The following FLG2 variants were observed in gnomAD, a reference collection of about 807,000 sequenced individuals.
FLG2 encodes the protein filaggrin 2, also known as filaggrin-2.
FLG2 carries 7 observed loss-of-function variants against 3.9 expected under a neutral mutation model. The observed-to-expected ratio is 1.79, with a 90% CI of 1.02 to 3.36. FLG2 has a LOEUF of 3.36. Among genes scored for constraint, FLG2 ranks in the 30% most tolerant of loss-of-function variants. The probability of loss-of-function intolerance (pLI) is 0.00; values close to 1 mark genes in which losing one functional copy is unlikely to be tolerated. For synonymous variants in FLG2, 1,031 were observed against 1,056.1 expected (o/e 0.98, Z 0.46); for missense variants, 2,700 against 2,809.4 (o/e 0.96, Z 0.88).
At position 152,355,037 on chromosome 1, in the gene FLG2, A is replaced by G. The variant is rs764162493; in HGVS notation, c.2749T>C (p.Ser917Pro). 1 of 1,558,506 alleles carries G rather than the reference A, an allele frequency of 6.4e-7. No individual in the cohort carries two copies. Among genetic ancestry groups the G allele is most frequent in the East Asian group, 2.7e-5 (1 of 37,676 alleles). Reference protein sequence around the residue: ...YSGFGQHESRSHQSSYGQHGS... With the variant: ...YSGFGQHESRPHQSSYGQHGS... The stretch of plus-strand genomic sequence containing the variant: ...TGTTGGCCATAGCTAGACTGATGTG[A>G]TCTAGACTCATGTTGTCCAAAACCA... The change falls in exon 3 of 3, where the codon TCA becomes CCA. Residue 917 changes from serine (S) to proline (P), a missense_variant. By Grantham distance (74) the Ser-to-Pro change is moderately conservative. Coordinates refer to ENST00000388718, the MANE Select transcript of FLG2 (RefSeq NM_001014342.3).
Position 152,350,471 on chromosome 1 carries a change from T to G in FLG2, c.*139A>C. The stretch of plus-strand genomic sequence containing the variant: ...TGTCCATGACTAGATTCCTGACTTC[T>G]TATAATAATAGGTCGAGACTGATAC... On this transcript the variant is annotated 3_prime_UTR_variant, in exon 3 of 3. Coordinates refer to ENST00000388718, the MANE Select transcript of FLG2 (RefSeq NM_001014342.3). 2 of 1,139,320 alleles carry G rather than the reference T, an allele frequency of 1.8e-6. No homozygotes were observed. Among genetic ancestry groups the G allele is most frequent in the Non-Finnish European group, 2.4e-6 (2 of 824,364 alleles). The allele number at this position is 1,139,320 out of a possible 1,614,324, so 70.6% of individuals were successfully genotyped here.
rs578257861 is a variant in FLG2 at position 152,354,146 on chromosome 1, G to C, written c.3640C>G (p.Gln1214Glu). The change falls in exon 3 of 3, where the codon CAA becomes GAA. Residue 1214 changes from glutamine (Q) to glutamate (E), a missense_variant. Transcript: ENST00000388718. ...TCACCCTGGCCCAAGCCAGTTGATT[G>C]ACCTGAGCCTGAACCATATTGGCCA... ...GFGQYGSGSG[Q>E]STGLGQGESQ... 2 of 1,614,240 alleles carry C rather than the reference G, an allele frequency of 1.2e-6. No individual in the cohort carries two copies. The highest frequency in any genetic ancestry group is 1.7e-5 in the Admixed American group (1 of 60,034).
In FLG2 at chr1:152,352,011, C is replaced by G; in HGVS notation, c.5775G>C (p.Gln1925His). Residue 1925 changes from glutamine to histidine, a missense_variant, in exon 3 of 3, where the codon CAG becomes CAC. By Grantham distance (24) the Gln-to-His change is conservative. Coordinates refer to ENST00000388718, the MANE Select transcript of FLG2 (RefSeq NM_001014342.3). ...VHKRHQTTHG[Q>H]TGDTTEHGHP... ...GGCCATGTTCAGTGGTATCTCCTGT[C>G]TGTCCATGAGTAGTTTGGTGTCTCT... The G allele has an allele frequency of 6.2e-7, 1 of 1,613,560 alleles. No individual in the cohort carries two copies. Among genetic ancestry groups the G allele is most frequent in the Non-Finnish European group, 8.5e-7 (1 of 1,179,904 alleles).
chr1:152,358,632 C>T, intron 2 of FLG2, 115 bp downstream of exon 2: 1 of 981,654 alleles, frequency 1.0e-6, no homozygotes, highest in Non-Finnish European at 1.5e-6. Flanking sequence ...CAAAATACCA[C>T]TCATAGAGTT....
At position 152,357,371 on chromosome 1, in the gene FLG2, C is replaced by T; in HGVS notation, c.415G>A (p.Glu139Lys). Residue 139 changes from glutamate to lysine, a missense_variant, in exon 3 of 3, where the codon GAG becomes AAG. By Grantham distance (56) the Glu-to-Lys change is moderately conservative (BLOSUM62 1). Transcript: ENST00000388718. ...GAGTGCCCAGAACTATATCCATGCT[C>T]CTCTCCCTCACTCCAACTTGAATGT... ...YRHSSWSEGEEHGYSSGHSRG... is the reference protein window; with the variant it reads ...YRHSSWSEGEKHGYSSGHSRG... 1 of 1,614,146 alleles carries T rather than the reference C, an allele frequency of 6.2e-7. No homozygotes were observed.
In FLG2 at chr1:152,357,049, G is replaced by A; in HGVS notation, c.737C>T (p.Thr246Ile). 6.2e-7 allele frequency: 1 copy of A among 1,614,084 alleles called. No individual in the cohort carries two copies. Among genetic ancestry groups the A allele is most frequent in the Non-Finnish European group, 8.5e-7 (1 of 1,180,016 alleles). Residue 246 changes from threonine (T) to isoleucine (I), a missense_variant, in exon 3 of 3, where the codon ACT (threonine) becomes ATT (isoleucine). Thr to Ile is a moderately conservative substitution (Grantham distance 89). Coordinates refer to ENST00000388718, the MANE Select transcript of FLG2 (RefSeq NM_001014342.3). ...GHGGLSCGLE[T>I]SGHESNSTQS... ...AGTAGAGTTTGATTCATGCCCACTA[G>A]TCTCCAATCCACATGACAGACCACC... is the stretch of plus-strand genomic sequence containing the variant.
In FLG2 at chr1:152,356,741, A is replaced by G; in HGVS notation, c.1045T>C (p.Ser349Pro). Reference sequence around the variant, plus strand: ...GCTCCATATCCTCTCTGACTATAGGACTGACTACAGGGGTTAGACTCAGGT... The same window carrying G: ...GCTCCATATCCTCTCTGACTATAGGGCTGACTACAGGGGTTAGACTCAGGT... ...GQPESNPCSQ[S>P]YSQRGYGARE... Residue 349 changes from serine (S) to proline (P), a missense_variant, in exon 3 of 3, where the codon TCC (serine) becomes CCC (proline). Physicochemically the swap from Ser to Pro is moderately conservative, Grantham distance 74. Coordinates refer to ENST00000388718, the MANE Select transcript of FLG2 (RefSeq NM_001014342.3). 1 of 1,613,962 alleles carries G rather than the reference A, an allele frequency of 6.2e-7. No individual in the cohort carries two copies. Among genetic ancestry groups the G allele is most frequent in the Non-Finnish European group, 8.5e-7 (1 of 1,180,024 alleles).
intron 1 of FLG2, 133 bp downstream of exon 1, chr1:152,359,822 GA>G (rs1306629274): frequency 1.3e-5 from 2 of 152,046 alleles, no homozygotes; most frequent in Non-Finnish European, 2.9e-5. Context: ...AAAAAGAAAA[GA>G]AAATGAAAGA....
In FLG2 at chr1:152,357,403, C is replaced by A. The variant is rs1441180661; in HGVS notation, c.383G>T (p.Gly128Val). The change falls in exon 3 of 3, where the codon GGT becomes GTT. Residue 128 changes from glycine to valine, a missense_variant. By Grantham distance (109) the Gly-to-Val change is moderately radical. Transcript: ENST00000388718. ...CTCACTCCAACTTGAATGTCTGTAA[C>A]CTGATTTATGTCCTGGTGTATCCTC... ...DEEDTPGHKSGYRHSSWSEGE... is the reference protein window; with the variant it reads ...DEEDTPGHKSVYRHSSWSEGE... 4 of 1,614,152 alleles carry A rather than the reference C, an allele frequency of 2.5e-6. No individual in the cohort carries two copies. The highest frequency in any genetic ancestry group is 3.4e-6 in the Non-Finnish European group (4 of 1,180,030).
rs775776086 is a variant in FLG2 at position 152,354,958 on chromosome 1, C to T, written c.2828G>A (p.Gly943Glu). The change falls in exon 3 of 3, where the codon GGA becomes GAA. Residue 943 changes from glycine to glutamate, a missense_variant. Transcript: ENST00000388718. The stretch of plus-strand genomic sequence containing the variant: ...GTGTTGTCCAAATCCAAAAGTCTGT[C>T]CTGAACTTGACCCATGTTGACCATA... ...SGYGQHGSSS[G>E]QTFGFGQHRS... 1.2e-6 allele frequency: 2 copies of T among 1,604,186 alleles called. No homozygotes were observed.
Position 152,353,549 on chromosome 1 carries a change from C to G in FLG2, c.4237G>C (p.Gly1413Arg), listed in dbSNP as rs780775602. Residue 1413 changes from glycine (G) to arginine (R), a missense_variant, in exon 3 of 3, where the codon GGG becomes CGG. Transcript: ENST00000388718. ...CCCCTTCTTCCAGTTGTCCTGGACC[C>G]TCTCTGTGTGGACTGTCCATGACCA... Reference protein sequence around the residue: ...HSGHGQSTQRGSRTTGRRGSG... With the variant: ...HSGHGQSTQRRSRTTGRRGSG... 6.2e-7 allele frequency: 1 copy of G among 1,614,044 alleles called. No individual in the cohort carries two copies. The highest frequency in any genetic ancestry group is 2.2e-5 in the East Asian group (1 of 44,868).
chr1:152,356,938 C>T lies in FLG2; in HGVS notation c.848G>A (p.Ser283Asn). 1.9e-6 allele frequency: 3 copies of T among 1,614,196 alleles called. No individual in the cohort carries two copies. Among genetic ancestry groups the T allele is most frequent in the Non-Finnish European group, 2.5e-6 (3 of 1,180,024 alleles). Reference sequence around the variant, plus strand: ...TGGCCTTCCACACCCACTTGAATTGCTATAACCACATGCATGACTTCGCCT... The same window carrying T: ...TGGCCTTCCACACCCACTTGAATTGTTATAACCACATGCATGACTTCGCCT... ...SGRRSHACGY[S>N]NSSGCGRPQN... The change falls in exon 3 of 3, where the codon AGC (serine) becomes AAC (asparagine). Residue 283 changes from serine (S) to asparagine (N), a missense_variant. Ser to Asn is a conservative substitution (Grantham distance 46). Transcript: ENST00000388718.
In FLG2 at chr1:152,354,285, GC is replaced by G; in HGVS notation, c.3500del (p.Gly1167AlafsTer60). On this transcript the variant is annotated frameshift_variant, in exon 3 of 3. Coordinates refer to ENST00000388718, the MANE Select transcript of FLG2 (RefSeq NM_001014342.3). LOFTEE classifies it low-confidence loss of function (END_TRUNC). ...GTGSSQSSGC[G>X]QHESGSGPTT... is the part of the protein sequence containing the mutation. ...TTGGACCTGAGCCAGACTCATGTTG[GC>G]CACAGCCAGATGATTGACTGGAGCC... 1 of 1,614,102 alleles carries G rather than the reference GC, an allele frequency of 6.2e-7. No individual in the cohort carries two copies. The highest frequency in any genetic ancestry group is 8.5e-7 in the Non-Finnish European group (1 of 1,179,984).
rs377218292 is a variant in FLG2, at chr1:152,351,167, G to A, written c.6619C>T (p.Arg2207Ter). 3.3e-5 allele frequency: 54 copies of A among 1,613,634 alleles called. No homozygotes were observed. The highest frequency in any genetic ancestry group is 3.7e-5 in the Non-Finnish European group (44 of 1,179,992). ...CCTGAGGATCCTGACTGTCCATGTC[G>A]AGATCCGGCTTGGCTGTGAGTGTGT... Reference protein sequence around the residue: ...SGHTHSQAGSRHGQSGSSGHG... With the variant: ...SGHTHSQAGS Residue 2207 changes from arginine to a stop codon, truncating the protein, a stop_gained, in exon 3 of 3, where the codon CGA becomes TGA. Coordinates refer to ENST00000388718, the MANE Select transcript of FLG2 (RefSeq NM_001014342.3). LOFTEE classifies it low-confidence loss of function (END_TRUNC).
Position 152,351,148 on chromosome 1 carries a change from G to T in FLG2, c.6638C>A (p.Ser2213Tyr), listed in dbSNP as rs1175851562. The change falls in exon 3 of 3, where the codon TCC becomes TAC. Residue 2213 changes from serine (S) to tyrosine (Y), a missense_variant. By Grantham distance (144) the Ser-to-Tyr change is moderately radical (BLOSUM62 -2). Coordinates refer to ENST00000388718, the MANE Select transcript of FLG2 (RefSeq NM_001014342.3). ...AGTTCCCTGTCTCCCATGACCTGAG[G>T]ATCCTGACTGTCCATGTCGAGATCC... ...QAGSRHGQSGSSGHGRQGTTH... is the reference protein window; with the variant it reads ...QAGSRHGQSGYSGHGRQGTTH... 1 of 1,613,768 alleles carries T rather than the reference G, an allele frequency of 6.2e-7. No individual in the cohort carries two copies. The highest frequency in any genetic ancestry group is 8.5e-7 in the Non-Finnish European group (1 of 1,179,946).
rs372666460 is a variant in FLG2, at chr1:152,358,826, T to G, written c.59A>C (p.Lys20Thr). 3 of 1,613,994 alleles carry G rather than the reference T, an allele frequency of 1.9e-6. No homozygotes were observed. Among genetic ancestry groups the G allele is most frequent in the Non-Finnish European group, 2.5e-6 (3 of 1,179,972 alleles). ...TVIDVFYKYT[K>T]QDGECGTLSK... ...CAGTGTGCCACACTCCCCATCTTGCTTGGTGTATTTGTAGAAAACATCAAT... is the reference window on the plus strand; with the variant it reads ...CAGTGTGCCACACTCCCCATCTTGCGTGGTGTATTTGTAGAAAACATCAAT... The change falls in exon 2 of 3, where the codon AAG (lysine) becomes ACG (threonine). Residue 20 changes from lysine to threonine, a missense_variant. Physicochemically the swap from Lys to Thr is moderately conservative, Grantham distance 78. Coordinates refer to ENST00000388718, the MANE Select transcript of FLG2 (RefSeq NM_001014342.3).
chr1:152,353,971 T>A lies in FLG2; in HGVS notation c.3815A>T (p.Gln1272Leu), dbSNP rs752576813. The A allele has an allele frequency of 7.4e-6, 12 of 1,614,256 alleles. No homozygotes were observed. The South Asian group carries it at 1.3e-4, about 18-fold the overall frequency. Residue 1272 changes from glutamine to leucine, a missense_variant, in exon 3 of 3, where the codon CAA becomes CTA. Transcript: ENST00000388718. ...CACTTCACTGTCACTGTTCTCACTT[T>A]GGCTAGATCTTCGTCTTCTAGTTAC... ...SRVTRRRRSSQSENSDSEVHS... is the reference protein window; with the variant it reads ...SRVTRRRRSSLSENSDSEVHS...
rs1654033278 is a variant in FLG2 at position 152,353,231 on chromosome 1, C to T, written c.4555G>A (p.Gly1519Arg). 6.4e-7 allele frequency: 1 copy of T among 1,563,000 alleles called. No individual in the cohort carries two copies. Among genetic ancestry groups the T allele is most frequent in the Non-Finnish European group, 8.7e-7 (1 of 1,155,070 alleles). ...GATCCACTTTGGCCGTGAGTGTGTCCTGAATGTGTGTGCGAGCCCCCTGAG... is the reference window on the plus strand; with the variant it reads ...GATCCACTTTGGCCGTGAGTGTGTCTTGAATGTGTGTGCGAGCCCCCTGAG... ...VHSGGSHTHS[G>R]HTHGQSGSQH... The change falls in exon 3 of 3, where the codon GGA (glycine) becomes AGA (arginine). Residue 1519 changes from glycine to arginine, a missense_variant. By Grantham distance (125) the Gly-to-Arg change is moderately radical (BLOSUM62 -2). Transcript: ENST00000388718.
rs1654343463 is a variant in FLG2, at chr1:152,358,762, A to G, written c.123T>C (p.Leu41=). 1.2e-6 allele frequency: 2 copies of G among 1,613,496 alleles called. No homozygotes were observed. The highest frequency in any genetic ancestry group is 1.3e-5 in the African/African-American group (1 of 74,876). ...TGGCTCTCACCTTCAGAACTGGATG[A>G]AGCTCTTTCTCCAGAAGTTCCTTTA... The part of the protein sequence containing the change: ...GELKELLEKE[L]HPVLKNPDDP... Residue 41 remains leucine, a synonymous_variant, in exon 2 of 3, where the codon CTT becomes CTC. Coordinates refer to ENST00000388718, the MANE Select transcript of FLG2 (RefSeq NM_001014342.3).
Sources: allele counts gnomAD v4.1 joint callset, GRCh38; gene constraint gnomAD v4.1.1; transcripts MANE v1.5; gene names NCBI Gene and HGNC (gene_info 2026-07-23, HGNC 2026-07-21).